The following SPOCK2 variants were observed in gnomAD, a reference collection of about 807,000 sequenced individuals.
SPOCK2 encodes the protein testican-2.
SPOCK2 carries 39 observed loss-of-function variants against 60.1 expected under a neutral mutation model. That is an observed-to-expected ratio of 0.65 (90% confidence interval 0.50 to 0.85). The LOEUF is 0.85. Ranked by LOEUF, SPOCK2 falls within the 40% of genes least tolerant of loss-of-function variation. The pLI, the probability that SPOCK2 is intolerant of heterozygous loss-of-function variation, is 0.00. For missense variants in SPOCK2, 523 were observed against 567.4 expected, an observed-to-expected ratio of 0.92 and a Z score of 0.80; for synonymous variants, 217 against 231.5, an observed-to-expected ratio of 0.94 and a Z score of 0.57.
chr10:72,086,663 C>CTGG, intron 1 of SPOCK2: 2 of 1,264,532 alleles, frequency 1.6e-6, no homozygotes, highest in Non-Finnish European at 2.0e-6. Flanking sequence ...GCTCCTGCGG[C>CTGG]TGGACAGGTC....
At chr10:72,081,333 A>C (rs936632709) in intron 1 of SPOCK2, among the ~76,000 whole-genome samples, 2 of 152,218 alleles carry the variant, frequency 1.3e-5, no homozygotes, top group African/African-American at 4.8e-5. Flanking sequence ...GCCAGGGGAC[A>C]AGGGGTCAGG....
chr10:72,064,108 C>T (rs1190870230), intron 9 of SPOCK2, 70 bp downstream of exon 9: 3 of 1,566,336 alleles, frequency 1.9e-6, no homozygotes, highest in East Asian at 4.6e-5. Context: ...AGGCTGGAGG[C>T]CCTGGGTCTC....
chr10:72,074,411 C>T (rs949045506), intron 1 of SPOCK2, among the ~76,000 whole-genome samples: 1 of 151,916 alleles, frequency 6.6e-6, no homozygotes, highest in African/African-American at 2.4e-5. Context: ...TATGCAGACC[C>T]AGGTGCACCC....
chr10:72,073,742 G>T (rs74370317), intron 1 of SPOCK2, among the ~76,000 whole-genome samples: 1 of 152,214 alleles, frequency 6.6e-6, no homozygotes, highest in Admixed American at 6.5e-5. Flanking sequence ...AGCTGCAGGG[G>T]CCTCTCAGGC....
At chr10:72,071,849 A>AGAGT (rs1840650608) in intron 4 of SPOCK2, among the ~76,000 whole-genome samples, 1 of 152,040 alleles carries the variant, frequency 6.6e-6, no homozygotes, top group Non-Finnish European at 1.5e-5. Context: ...CAAGAGCATA[A>AGAGT]GAGTGAGCTT....
intron 1 of SPOCK2, among the ~76,000 whole-genome samples, chr10:72,080,054 G>A (rs1045921743): frequency 2.6e-5 from 4 of 152,038 alleles, no homozygotes; most frequent in Non-Finnish European, 5.9e-5. Context: ...CCTGAACCCC[G>A]GGTTCTCTGG....
intron 1 of SPOCK2, among the ~76,000 whole-genome samples, chr10:72,081,643 C>T (rs528897221): frequency 2.6e-5 from 4 of 152,364 alleles, no homozygotes; most frequent in African/African-American, 4.8e-5. Flanking sequence ...GGGATAGGCA[C>T]GGAGGGCTGA....
chr10:72,073,654 C>G (rs980087784), intron 1 of SPOCK2, among the ~76,000 whole-genome samples: 1 of 152,230 alleles, frequency 6.6e-6, no homozygotes, highest in Non-Finnish European at 1.5e-5. Context: ...TCTCCCGATG[C>G]CCAGCACAGA....
rs932611465 is a variant in SPOCK2, at chr10:72,087,273, A to G, written c.189+867T>C. Among the ~76,000 whole-genome samples the G allele has an allele frequency of 6.6e-6, 1 of 151,172 alleles. No individual in the cohort carries two copies. The highest frequency in any genetic ancestry group is 1.5e-5 in the Non-Finnish European group (1 of 67,782). Reference sequence around the variant, plus strand: ...CTCTGATCCACAGGTGCCGGTAAACAAAAGTGCCGCAGCTACCCCCCCGCC... The same window carrying G: ...CTCTGATCCACAGGTGCCGGTAAACGAAAGTGCCGCAGCTACCCCCCCGCC... On this transcript the variant is annotated intron_variant, in intron 1 of 10. Coordinates refer to ENST00000373109, the MANE Select transcript of SPOCK2 (RefSeq NM_001244950.2). The surrounding 1 kb of genome is among the most constrained non-coding windows in gnomAD (Gnocchi z 4.7).
chr10:72,086,962 G>A, intron 1 of SPOCK2: 1 of 1,551,712 alleles, frequency 6.4e-7, no homozygotes, highest in Non-Finnish European at 8.7e-7. Flanking sequence ...GGTGTGGCCT[G>A]CGTTGTACTG....
rs1554820655 is a variant in SPOCK2, at chr10:72,062,927, A to G, written c.1130-22T>C. 1.3e-6 allele frequency: 2 copies of G among 1,594,282 alleles called. No homozygotes were observed. Among genetic ancestry groups the G allele is most frequent in the Non-Finnish European group, 8.5e-7 (1 of 1,173,636 alleles). ...TCATCTGTGAGGGGATCAAGCCAAC[A>G]GGGGGTGAGGGAGCTTCTGGCACGC... On this transcript the variant is annotated intron_variant, in intron 10 of 10. Coordinates refer to ENST00000373109, the MANE Select transcript of SPOCK2 (RefSeq NM_001244950.2). The surrounding 1 kb of genome is among the most constrained non-coding windows in gnomAD (Gnocchi z 4.3).
intron 2 of SPOCK2, 150 bp from the exon 3 acceptor site, chr10:72,072,698 G>C: frequency 1.5e-6 from 2 of 1,349,680 alleles, no homozygotes; most frequent in South Asian, 2.5e-5. Context: ...CCCAGGCCCT[G>C]CCAGCTGCCT....
At chr10:72,068,430 G>T in intron 5 of SPOCK2, 129 bp from the exon 6 acceptor site, 1 of 967,380 alleles carries the variant, frequency 1.0e-6, no homozygotes, top group Non-Finnish European at 1.5e-6. Context: ...TGAACAGCCT[G>T]AAGGGTCCTC....
At chr10:72,081,291 C>T (rs954193196) in intron 1 of SPOCK2, among the ~76,000 whole-genome samples, 5 of 152,224 alleles carry the variant, frequency 3.3e-5, no homozygotes, top group Middle Eastern at 3.2e-3. Context: ...GGAGCCCGAA[C>T]GATTTCAGAG....
intron 1 of SPOCK2, among the ~76,000 whole-genome samples, chr10:72,073,783 A>C (rs2131817115): frequency 6.6e-6 from 1 of 152,336 alleles, no homozygotes; most frequent in Non-Finnish European, 1.5e-5. Context: ...AGAGGCAGAG[A>C]GCCTCCCACC....
intron 1 of SPOCK2, 103 bp from the exon 2 acceptor site, chr10:72,073,013 C>T (rs1840670159): frequency 1.3e-6 from 2 of 1,511,838 alleles, no homozygotes; most frequent in Non-Finnish European, 1.8e-6. Context: ...TCCTGGGGTC[C>T]CCTGCCTCAT....
In SPOCK2 at chr10:72,070,351, G is replaced by C; in HGVS notation, c.435C>G (p.Ala145=). 1.2e-6 allele frequency: 2 copies of C among 1,614,230 alleles called. No individual in the cohort carries two copies. Among genetic ancestry groups the C allele is most frequent in the Non-Finnish European group, 1.7e-6 (2 of 1,180,030 alleles). Residue 145 remains alanine (A), a synonymous_variant, in exon 5 of 11, where the codon GCC becomes GCG. Coordinates refer to ENST00000373109, the MANE Select transcript of SPOCK2 (RefSeq NM_001244950.2). ...TGTGGCCATCTGAGCCGCAGACAGA[G>C]GCAAGCTGGGCCATGTGGCAGGGCT... ...ICKPCHMAQL[A]SVCGSDGHTY...
intron 1 of SPOCK2, among the ~76,000 whole-genome samples, chr10:72,076,528 C>A (rs1343254474): frequency 6.6e-6 from 1 of 152,156 alleles, no homozygotes; most frequent in Non-Finnish European, 1.5e-5. Context: ...GCTTGTATTG[C>A]ATGGTGCTTA....
chr10:72,060,240 A>C lies in SPOCK2; in HGVS notation c.*2520T>G, dbSNP rs900884741. On this transcript the variant is annotated 3_prime_UTR_variant, in exon 11 of 11. Coordinates refer to ENST00000373109, the MANE Select transcript of SPOCK2 (RefSeq NM_001244950.2). ...TCTACCTTTTGAGGGGACCAGTCTC[A>C]GTAGGGCGAAAGGCAGTGTGGGGGC... 6.6e-6 allele frequency: 1 copy of C among 152,504 alleles called. No homozygotes were observed. The highest frequency in any genetic ancestry group is 1.5e-5 in the Non-Finnish European group (1 of 68,270). 9.4% of individuals were successfully genotyped at this position (152,504 alleles called of 1,614,324 possible).
Sources: allele counts gnomAD v4.1 joint callset (sites outside exome capture counted in the v4.1 genomes callset), GRCh38; gene constraint gnomAD v4.1.1; non-coding constraint Gnocchi (gnomAD v3.1); transcripts MANE v1.5; gene names NCBI Gene and HGNC (gene_info 2026-07-23, HGNC 2026-07-21).